Variants in ZNF268 observed in about 807,000 individuals in gnomAD.
ZNF268 encodes zinc finger protein 3.
A neutral mutation model predicts 29.3 loss-of-function variants in ZNF268; 20 were observed. The ratio of observed to expected loss-of-function variants is 0.68; its 90% confidence interval spans 0.48 to 0.99. ZNF268 has a LOEUF of 0.99. Among genes scored for constraint, ZNF268 ranks in the 50% least tolerant of loss-of-function variants. The pLI is 0.00. For missense variants in ZNF268, 1,240 were observed against 1,121.6 expected (o/e 1.11, Z -1.51); for synonymous variants, 429 against 376.9 (o/e 1.14, Z -1.60).
intron 5 of ZNF268, among the ~76,000 whole-genome samples, chr12:133,195,987 G>A (rs1956582700): frequency 6.8e-6 from 1 of 147,916 alleles, no homozygotes; most frequent in African/African-American, 2.5e-5. Flanking sequence ...TGGGATTACA[G>A]GCATGAACCA....
At chr12:133,197,023 CCTTT>C (rs1260299525) in intron 5 of ZNF268, among the ~76,000 whole-genome samples, 8 of 133,474 alleles carry the variant, frequency 6.0e-5, no homozygotes, top group African/African-American at 1.5e-4. Context: ...TTCTCTAGAT[CCTTT>C]CTTTTTTTTT....
At chr12:133,199,256 A>G (rs1218064742) in intron 5 of ZNF268, among the ~76,000 whole-genome samples, 1 of 152,186 alleles carries the variant, frequency 6.6e-6, no homozygotes, top group Non-Finnish European at 1.5e-5. Context: ...GGGTTGTTGA[A>G]TTTTGTCAGA....
At chr12:133,193,588 T>A in intron 5 of ZNF268, 2 of 580,220 alleles carry the variant, frequency 3.4e-6, no homozygotes, top group Non-Finnish European at 6.2e-6. Flanking sequence ...GATCATTCCC[T>A]CAAGCCCTTT....
chr12:133,202,848 T>C lies in ZNF268; in HGVS notation c.1162T>C (p.Tyr388His), dbSNP rs949899262. 1.8e-5 allele frequency: 28 copies of C among 1,585,480 alleles called. No homozygotes were observed. The highest frequency in any genetic ancestry group is 2.2e-5 in the Non-Finnish European group (26 of 1,168,508). The change falls in exon 6 of 6, where the codon TAT becomes CAT. Residue 388 changes from tyrosine (Y) to histidine (H), a missense_variant. Transcript: ENST00000536435. ...HQKTHSGQKPYVCNECGKAFG... is the reference protein window; with the variant it reads ...HQKTHSGQKPHVCNECGKAFG... The stretch of plus-strand genomic sequence containing the variant: ...GAAAACTCATTCAGGACAGAAACCA[T>C]ATGTGTGTAATGAATGTGGGAAAGC...
intron 5 of ZNF268, among the ~76,000 whole-genome samples, chr12:133,198,396 C>G (rs995957310): frequency 3.3e-5 from 5 of 150,590 alleles, no homozygotes; most frequent in African/African-American, 1.2e-4. Flanking sequence ...TGATCTATAT[C>G]TCTGTTTTGG....
At chr12:133,186,979 T>C (rs1018781806) in intron 2 of ZNF268, among the ~76,000 whole-genome samples, 2 of 152,232 alleles carry the variant, frequency 1.3e-5, no homozygotes, top group African/African-American at 2.4e-5. Context: ...TTGATCATTG[T>C]ATTATACCAA....
chr12:133,210,695 TC>T lies in ZNF268; in HGVS notation c.*6171del, dbSNP rs1452472067. 1.9e-5 allele frequency: 7 copies of T among 375,106 alleles called. No homozygotes were observed. The highest frequency in any genetic ancestry group is 9.2e-4 in the Middle Eastern group (2 of 2,180). The allele number at this position is 375,106 out of a possible 1,614,324, so 23.2% of individuals were successfully genotyped here. A position where few individuals can be genotyped will look rare whatever the true frequency, so the allele number is the denominator to read the frequency against. ...GCAAGGTCTGTTTGTCACTGTGGAT[TC>T]CCCCCTGCCAAGGGTCCCCAGGTCA... On this transcript the variant is annotated 3_prime_UTR_variant, in exon 6 of 6. Coordinates refer to ENST00000536435, the MANE Select transcript of ZNF268 (RefSeq NM_003415.3).
At chr12:133,183,242 C>G (rs928370623) in intron 2 of ZNF268, among the ~76,000 whole-genome samples, 3 of 152,124 alleles carry the variant, frequency 2.0e-5, no homozygotes, top group African/African-American at 7.2e-5. Flanking sequence ...AAGGAGTTTA[C>G]TTATTGAAGT....
rs1956876005 is a variant in ZNF268, at chr12:133,205,182, TTATTA to T, written c.*656_*660del. On this transcript the variant is annotated 3_prime_UTR_variant, in exon 6 of 6. Transcript: ENST00000536435. The stretch of plus-strand genomic sequence containing the variant: ...AAAAAAAAAAAAAAAAACCAACCTG[TTATTA>T]TATCTTAATATTAATTTTGAAGAAT... The T allele has an allele frequency of 8.6e-6, 1 of 116,564 alleles. No individual in the cohort carries two copies. The highest frequency in any genetic ancestry group is 2.6e-5 in the African/African-American group (1 of 37,914). The allele number at this position is 116,564 out of a possible 1,614,324, so 7.2% of individuals were successfully genotyped here.
chr12:133,201,252 C>T (rs11147299), intron 5 of ZNF268, among the ~76,000 whole-genome samples: 52,153 of 151,668 alleles, frequency 0.34, 9,388 homozygotes, highest in African/African-American at 0.41. Context: ...CTTTTTTCTT[C>T]CTAGTGATAT....
Position 133,198,251 on chromosome 12 carries a change from A to G in ZNF268, c.458-3893A>G, listed in dbSNP as rs1451428272. Among the ~76,000 whole-genome samples, 9 of 149,944 alleles carry G rather than the reference A, an allele frequency of 6.0e-5. No homozygotes were observed. In the South Asian group the frequency reaches 8.5e-4, roughly 14 times the overall value. On this transcript the variant is annotated intron_variant, in intron 5 of 5. Transcript: ENST00000536435. ...GGGATCCAGTTTCAGCTTTCTACAT[A>G]TGGCTAGCCAGTTTTCCCAGCACCA...
intron 5 of ZNF268, among the ~76,000 whole-genome samples, chr12:133,195,771 G>T (rs1437451498): frequency 1.3e-5 from 2 of 151,668 alleles, no homozygotes; most frequent in Non-Finnish European, 1.5e-5. Flanking sequence ...AGGCTGGAGT[G>T]CAGTGGTGCG....
chr12:133,210,364 G>A lies in ZNF268; in HGVS notation c.*5834G>A, dbSNP rs998144993. 4 of 177,324 alleles carry A rather than the reference G, an allele frequency of 2.3e-5. No individual in the cohort carries two copies. Among genetic ancestry groups the A allele is most frequent in the Admixed American group, 2.2e-4 (4 of 18,350 alleles). The allele number at this position is 177,324 out of a possible 1,614,324, so 11.0% of individuals were successfully genotyped here. ...TGGTTGCATCCCCCACCACGGGTCA[G>A]TCCTGAGGAGGATACTCTGGTCATC... On this transcript the variant is annotated 3_prime_UTR_variant, in exon 6 of 6. Transcript: ENST00000536435.
chr12:133,202,052 C>T (rs1593920960), intron 5 of ZNF268, 92 bp from the exon 6 acceptor site: 7 of 1,046,350 alleles, frequency 6.7e-6, no homozygotes, highest in African/African-American at 1.6e-5. Context: ...TGATTTATAA[C>T]ATGTGACTAA....
intron 3 of ZNF268, among the ~76,000 whole-genome samples, chr12:133,188,957 GTTTTC>G (rs1029159118): frequency 6.6e-5 from 10 of 151,692 alleles, no homozygotes; most frequent in Admixed American, 3.3e-4. Context: ...GTGTCCTATT[GTTTTC>G]TTATCCTAAG....
intron 5 of ZNF268, among the ~76,000 whole-genome samples, chr12:133,199,760 C>T (rs1049509031): frequency 2.0e-5 from 3 of 152,152 alleles, no homozygotes; most frequent in African/African-American, 4.8e-5. Context: ...CTGGTTTAGT[C>T]TTGGGAGGGT....
intron 3 of ZNF268, among the ~76,000 whole-genome samples, chr12:133,189,968 C>T (rs116221957): frequency 0.032 from 4,858 of 150,500 alleles, 238 homozygotes; most frequent in African/African-American, 0.11. Context: ...CCACCATGCC[C>T]GGCTAATTTT....
chr12:133,204,842 A>C lies in ZNF268; in HGVS notation c.*312A>C, dbSNP rs36173379. ...AAACGTTGTAAAGTCATTTTACTAAAATAAGATTCACAAAGAGGAAACTTC... is the reference window on the plus strand; with the variant it reads ...AAACGTTGTAAAGTCATTTTACTAACATAAGATTCACAAAGAGGAAACTTC... On this transcript the variant is annotated 3_prime_UTR_variant, in exon 6 of 6. Transcript: ENST00000536435. 0.77 allele frequency: 179,406 copies of C among 234,516 alleles called. 69,662 individuals carry two copies. The highest frequency in any genetic ancestry group is 0.92 in the East Asian group (10,888 of 11,798). The allele number at this position is 234,516 out of a possible 1,614,324, so 14.5% of individuals were successfully genotyped here. A position where few individuals can be genotyped will look rare whatever the true frequency, so the allele number is the denominator to read the frequency against.
intron 5 of ZNF268, among the ~76,000 whole-genome samples, chr12:133,194,129 TATTC>T (rs1343802056): frequency 6.6e-6 from 1 of 152,218 alleles, no homozygotes; most frequent in Non-Finnish European, 1.5e-5. Flanking sequence ...TAGCTAAATT[TATTC>T]ATTGTACTCT....
Sources: allele counts gnomAD v4.1 joint callset (sites outside exome capture counted in the v4.1 genomes callset), GRCh38; gene constraint gnomAD v4.1.1; transcripts MANE v1.5; gene names NCBI Gene and HGNC (gene_info 2026-07-23, HGNC 2026-07-21).